The following DGKB variants were observed in gnomAD, a reference collection of about 807,000 sequenced individuals.
The protein encoded by DGKB is 90 kDa diacylglycerol kinase.
In DGKB, 67 loss-of-function variants were observed where a neutral mutation model predicts 114.3. That is an observed-to-expected ratio of 0.59 (90% CI 0.48 to 0.72). The LOEUF (loss-of-function observed/expected upper bound fraction) is 0.72. Ranked by LOEUF, DGKB falls within the 30% of genes least tolerant of loss-of-function variation. The pLI, the probability that DGKB is intolerant of heterozygous loss-of-function variation, is 0.00. For synonymous variants in DGKB, 398 were observed against 323.1 expected (o/e 1.23, Z -2.49); for missense variants, 907 against 975.2 (o/e 0.93, Z 0.93).
At chr7:14,520,981 T>C (rs970046923) in intron 20 of DGKB, among the ~76,000 whole-genome samples, 1 of 152,114 alleles carries the variant, frequency 6.6e-6, no homozygotes, top group African/African-American at 2.4e-5. Context: ...ATACTATTCC[T>C]ATATGAGAGG....
At chr7:14,192,218 A>AGTC in intron 23 of DGKB, 1 of 220,610 alleles carries the variant, frequency 4.5e-6, no homozygotes, top group South Asian at 6.7e-5. Context: ...AGAAAACTCT[A>AGTC]AAGACTCCAC....
intron 23 of DGKB, among the ~76,000 whole-genome samples, chr7:14,259,071 T>C (rs1314296561): frequency 6.6e-6 from 1 of 152,052 alleles, no homozygotes; most frequent in Non-Finnish European, 1.5e-5. Flanking sequence ...TTGAACATGG[T>C]TTAAAAAAAA....
chr7:14,587,838 C>T (rs111544379), intron 17 of DGKB, among the ~76,000 whole-genome samples: 1 of 152,108 alleles, frequency 6.6e-6, no homozygotes, highest in Non-Finnish European at 1.5e-5. Context: ...AACCACAATG[C>T]TATTGCACAT....
chr7:14,890,336 T>C (rs1335565611), intron 1 of DGKB, among the ~76,000 whole-genome samples: 3 of 151,538 alleles, frequency 2.0e-5, no homozygotes, highest in African/African-American at 4.8e-5. Context: ...AGATGAGAAA[T>C]GTACACTTGC....
intron 2 of DGKB, among the ~76,000 whole-genome samples, chr7:14,779,986 G>T (rs188667586): frequency 1.2e-3 from 179 of 152,162 alleles, no homozygotes; most frequent in African/African-American, 4.0e-3. Flanking sequence ...CCTCCATGGA[G>T]ATTCCTCTTC....
intron 21 of DGKB, among the ~76,000 whole-genome samples, chr7:14,453,024 C>T (rs899685492): frequency 6.6e-6 from 1 of 152,106 alleles, no homozygotes; most frequent in African/African-American, 2.4e-5. Flanking sequence ...TGACTGCATG[C>T]GTGTGCATGG....
chr7:14,339,148 T>A (rs1271812357), intron 22 of DGKB, among the ~76,000 whole-genome samples: 1 of 151,750 alleles, frequency 6.6e-6, no homozygotes, highest in Non-Finnish European at 1.5e-5. Flanking sequence ...GAAAGCAGAT[T>A]GATGCCTCAT....
chr7:14,250,671 G>A (rs1044193140), intron 23 of DGKB, among the ~76,000 whole-genome samples: 1 of 152,122 alleles, frequency 6.6e-6, no homozygotes, highest in African/African-American at 2.4e-5. Flanking sequence ...GGTCAGTAGT[G>A]TTGTAGAAGC....
chr7:14,450,535 T>C (rs369027986), intron 21 of DGKB, among the ~76,000 whole-genome samples: 2 of 152,168 alleles, frequency 1.3e-5, no homozygotes, highest in South Asian at 4.1e-4. Flanking sequence ...ATCATGGGAT[T>C]AGAGAGACAA....
At chr7:14,227,321 A>G (rs1790960159) in intron 23 of DGKB, among the ~76,000 whole-genome samples, 2 of 152,086 alleles carry the variant, frequency 1.3e-5, no homozygotes, top group African/African-American at 4.8e-5. Context: ...TTTGGAAAGT[A>G]ATCTTTTCCT....
chr7:14,669,215 A>G (rs1041423952), intron 13 of DGKB, among the ~76,000 whole-genome samples: 13 of 152,190 alleles, frequency 8.5e-5, no homozygotes, highest in African/African-American at 2.7e-4. Context: ...CTTTTAAAAT[A>G]TAAGTCAGAT....
chr7:14,747,605 A>G (rs1003312412), intron 4 of DGKB, among the ~76,000 whole-genome samples: 3 of 152,116 alleles, frequency 2.0e-5, no homozygotes, highest in African/African-American at 4.8e-5. Context: ...CAGAGTTTCT[A>G]TTGCTGTCAT....
rs1347118851 is a variant in DGKB at position 14,868,684 on chromosome 7, C to T, written c.-187-27234G>A. Among the ~76,000 whole-genome samples, 5 of 152,100 alleles carry T rather than the reference C, an allele frequency of 3.3e-5. No homozygotes were observed. In the East Asian group the frequency reaches 9.7e-4, roughly 29 times the overall value. On this transcript the variant is annotated intron_variant, in intron 1 of 25. Transcript: ENST00000402815. ...TCATTTTACCTATAATGAGAAATTG[C>T]CCTTCTCCTCAATTTCTCCAATTTT... is the stretch of plus-strand genomic sequence containing the variant.
chr7:14,467,432 T>C (rs1780644692), intron 21 of DGKB, among the ~76,000 whole-genome samples: 1 of 150,896 alleles, frequency 6.6e-6, no homozygotes, highest in Non-Finnish European at 1.5e-5. Context: ...AAAAATAAAA[T>C]ATAAAATATA....
At chr7:14,973,449 A>C (rs149434036) in intron 1 of DGKB, among the ~76,000 whole-genome samples, 1 of 151,606 alleles carries the variant, frequency 6.6e-6, no homozygotes, top group Non-Finnish European at 1.5e-5. Context: ...TGGATTGAAA[A>C]TTAAGTTAAT....
chr7:14,823,086 CAAAG>C (rs1562630267), intron 2 of DGKB, among the ~76,000 whole-genome samples: 1 of 151,382 alleles, frequency 6.6e-6, no homozygotes, highest in African/African-American at 2.4e-5. Context: ...CATACAATTA[CAAAG>C]AGTCTCAGAT....
At chr7:14,909,852 A>G (rs1234724406) in intron 1 of DGKB, among the ~76,000 whole-genome samples, 1 of 152,158 alleles carries the variant, frequency 6.6e-6, no homozygotes, top group East Asian at 1.9e-4. Flanking sequence ...TAAGAGGGGA[A>G]AATTATGTTC....
chr7:14,932,479 C>T (rs563021572), intron 1 of DGKB, among the ~76,000 whole-genome samples: 6 of 152,240 alleles, frequency 3.9e-5, no homozygotes, highest in East Asian at 1.9e-4. Flanking sequence ...AATAGTTCTT[C>T]GTAATGAACA....
chr7:14,338,810 T>G, intron 22 of DGKB, 100 bp from the exon 23 acceptor site: 1 of 713,226 alleles, frequency 1.4e-6, no homozygotes, highest in Non-Finnish European at 2.1e-6. Flanking sequence ...TGCGTTGAAA[T>G]CCATAATGTT....
Sources: gnomAD v4.1 joint callset for allele counts (sites outside exome capture counted in the v4.1 genomes callset) on GRCh38, gnomAD v4.1.1 for gene constraint, MANE v1.5 for transcripts, NCBI Gene and HGNC (gene_info 2026-07-23, HGNC 2026-07-21) for gene names.